Variants in RAB27B observed in about 807,000 individuals in gnomAD.
The protein encoded by RAB27B is ras-related protein Rab-27B.
Under a neutral mutation model 24.6 loss-of-function variants are expected in RAB27B, and 15 were observed. The observed-to-expected ratio is 0.61, with a 90% CI of 0.41 to 0.94. The LOEUF is 0.94. Among genes scored for constraint, RAB27B ranks in the 40% least tolerant of loss-of-function variants. RAB27B has a pLI of 0.00. For missense variants in RAB27B, 261 were observed against 266.8 expected (o/e 0.98, Z 0.15); for synonymous variants, 105 against 92.5 (o/e 1.14, Z -0.78).
chr18:54,871,405 TGA>T (rs932375489), intron 1 of RAB27B, among the ~76,000 whole-genome samples: 6 of 152,176 alleles, frequency 3.9e-5, no homozygotes, highest in African/African-American at 1.4e-4. Context: ...GTGCTTGCTG[TGA>T]GAGTTCCAGA....
intron 1 of RAB27B, among the ~76,000 whole-genome samples, chr18:54,834,112 A>G (rs1003818364): frequency 2.0e-5 from 3 of 152,254 alleles, no homozygotes; most frequent in Admixed American, 2.0e-4. Flanking sequence ...GATTTTTTAA[A>G]TTAAGAATTG....
chr18:54,735,546 G>C (rs1026520446), intron 2 of RAB27B, among the ~76,000 whole-genome samples: 3 of 151,898 alleles, frequency 2.0e-5, no homozygotes, highest in Non-Finnish European at 4.4e-5. Context: ...TTTTGAGATG[G>C]TGTTTCACTC....
At chr18:54,864,594 T>C (rs980614511) in intron 1 of RAB27B, among the ~76,000 whole-genome samples, 2 of 152,170 alleles carry the variant, frequency 1.3e-5, no homozygotes, top group Non-Finnish European at 2.9e-5. Context: ...TAGTTTTAGC[T>C]CTTATATTTA....
In RAB27B at chr18:54,815,286, G is replaced by C. The variant is rs191650590; in HGVS notation, c.-19-62281G>C. On this transcript the variant is annotated intron_variant, in intron 2 of 4. Transcript: ENST00000586570. ...GTAACTATGTACTAGAGAAGGCTTA[G>C]AACAACTTGCAGAGGATCCTCCCCT... 1.2e-4 allele frequency among the ~76,000 whole-genome samples: 18 copies of C among 152,294 alleles called. No homozygotes were observed. In the East Asian group the frequency reaches 3.5e-3, roughly 29 times the overall value.
At chr18:54,766,497 G>T (rs1389143623) in intron 2 of RAB27B, among the ~76,000 whole-genome samples, 6 of 151,556 alleles carry the variant, frequency 4.0e-5, no homozygotes, top group African/African-American at 7.3e-5. Flanking sequence ...AAGTTTTTTT[G>T]TTTTTTGTTT....
chr18:54,855,418 A>T (rs1349641227), intron 1 of RAB27B, among the ~76,000 whole-genome samples: 1 of 152,174 alleles, frequency 6.6e-6, no homozygotes, highest in Non-Finnish European at 1.5e-5. Flanking sequence ...TTTAAAGTAC[A>T]AATTATTTGT....
intron 2 of RAB27B, among the ~76,000 whole-genome samples, chr18:54,795,245 G>A (rs1909379674): frequency 6.6e-6 from 1 of 152,102 alleles, no homozygotes; most frequent in Admixed American, 6.5e-5. Flanking sequence ...GCTGTGCTAG[G>A]CCCCCAGTTT....
upstream of RAB27B, among the ~76,000 whole-genome samples, chr18:54,824,649 A>G (rs8091379): frequency 0.95 from 145,001 of 152,216 alleles, 69,498 homozygotes; most frequent in East Asian, 1. Context: ...ACTTCTGCCC[A>G]CAATCCATGA....
chr18:54,865,801 A>G (rs953984892), intron 1 of RAB27B, among the ~76,000 whole-genome samples: 4 of 152,210 alleles, frequency 2.6e-5, no homozygotes, highest in African/African-American at 9.7e-5. Context: ...TATGCAATAA[A>G]CACTTCAACT....
intron 2 of RAB27B, among the ~76,000 whole-genome samples, chr18:54,759,907 A>T (rs1415916058): frequency 6.6e-6 from 1 of 152,160 alleles, no homozygotes; most frequent in African/African-American, 2.4e-5. Context: ...TACCACTGAG[A>T]GCCACTTTCA....
chr18:54,756,550 C>T (rs1819893), intron 2 of RAB27B, among the ~76,000 whole-genome samples: 60,003 of 151,780 alleles, frequency 0.4, 12,214 homozygotes, highest in South Asian at 0.47. Context: ...AGTAATACTA[C>T]AGCTGTAGTA....
intron 1 of RAB27B, among the ~76,000 whole-genome samples, chr18:54,864,028 C>T (rs1912113297): frequency 6.6e-6 from 1 of 152,160 alleles, no homozygotes; most frequent in African/African-American, 2.4e-5. Context: ...TGTCTAGACC[C>T]AGAAGTGGAA....
chr18:54,855,058 C>T (rs111439875), intron 1 of RAB27B, among the ~76,000 whole-genome samples: 5,470 of 152,174 alleles, frequency 0.036, 326 homozygotes, highest in African/African-American at 0.12. Flanking sequence ...CTTGTTTTCC[C>T]GCAACTGGAC....
At chr18:54,805,892 T>G (rs1909776847) in intron 2 of RAB27B, among the ~76,000 whole-genome samples, 1 of 152,188 alleles carries the variant, frequency 6.6e-6, no homozygotes, top group Non-Finnish European at 1.5e-5. Flanking sequence ...ATTTAAGTCC[T>G]CAAATGCAAG....
rs559393276 is a variant in RAB27B, at chr18:54,724,543, G to A, written c.-20+6402G>A. Among the ~76,000 whole-genome samples, 361 of 151,374 alleles carry A rather than the reference G, an allele frequency of 2.4e-3. 11 individuals carry two copies. Among genetic ancestry groups the A allele is most frequent in the Non-Finnish European group, 2.9e-3 (198 of 67,680 alleles). On this transcript the variant is annotated intron_variant, in intron 2 of 4. Coordinates refer to the RAB27B transcript ENST00000586570. Reference sequence around the variant, plus strand: ...GTTCGAGACCAGCCTGGCCAACATGGTGAAACTCCGTCCCTAATAAAAATA... The same window carrying A: ...GTTCGAGACCAGCCTGGCCAACATGATGAAACTCCGTCCCTAATAAAAATA...
intron 1 of RAB27B, among the ~76,000 whole-genome samples, chr18:54,872,263 A>G (rs899179927): frequency 6.6e-6 from 1 of 152,134 alleles, no homozygotes; most frequent in Non-Finnish European, 1.5e-5. Flanking sequence ...ATGTTGTTTG[A>G]AACTATTCCT....
chr18:54,793,587 TTTC>T (rs1909323350), intron 2 of RAB27B, among the ~76,000 whole-genome samples: 1 of 152,248 alleles, frequency 6.6e-6, no homozygotes, highest in South Asian at 2.1e-4. Context: ...CCAATGTTCA[TTTC>T]TTAGGATATT....
intron 3 of RAB27B, chr18:54,880,954 A>G (rs916882912): frequency 1.2e-4 from 19 of 152,196 alleles, no homozygotes; most frequent in Admixed American, 3.9e-4. Context: ...CCCTGTGCCT[A>G]AGGACATCTG....
chr18:54,838,478 C>T (rs1412710357), intron 1 of RAB27B, among the ~76,000 whole-genome samples: 1 of 152,124 alleles, frequency 6.6e-6, no homozygotes, highest in Non-Finnish European at 1.5e-5. Flanking sequence ...GCTTCACACT[C>T]TCCATCACAA....
Sources: gnomAD v4.1 joint callset for allele counts (sites outside exome capture counted in the v4.1 genomes callset) on GRCh38, gnomAD v4.1.1 for gene constraint, MANE v1.5 for transcripts, NCBI Gene and HGNC (gene_info 2026-07-23, HGNC 2026-07-21) for gene names.